Variants in PLEKHF2 observed in about 807,000 individuals in gnomAD.
The protein encoded by PLEKHF2 is pleckstrin homology domain-containing family F member 2.
Under a neutral mutation model 14.7 loss-of-function variants are expected in PLEKHF2, and 4 were observed. The ratio of observed to expected loss-of-function variants is 0.27; its 90% CI spans 0.13 to 0.62. PLEKHF2 has a LOEUF of 0.62. Ranked by LOEUF, PLEKHF2 falls within the 20% of genes least tolerant of loss-of-function variation. The pLI is 0.85. For synonymous variants in PLEKHF2, 90 were observed against 103.5 expected, an observed-to-expected ratio of 0.87 and a Z score of 0.79; for missense variants, 201 against 307.7, an observed-to-expected ratio of 0.65 and a Z score of 2.60.
rs556254765 is a variant in PLEKHF2, at chr8:95,156,100, G to A, written c.*1306G>A. 4 of 166,988 alleles carry A rather than the reference G, an allele frequency of 2.4e-5. No homozygotes were observed. Among genetic ancestry groups the A allele is most frequent in the African/African-American group, 9.7e-5 (4 of 41,418 alleles). 10.3% of individuals were successfully genotyped at this position (166,988 alleles called of 1,614,324 possible). A position where few individuals can be genotyped will look rare whatever the true frequency, so the allele number is the denominator to read the frequency against. ...TCTTTACTTTTGAGGCAGCCATTAG[G>A]TTGAAAGTATATATTTATCATATAA... On this transcript the variant is annotated 3_prime_UTR_variant, in exon 2 of 2. Transcript: ENST00000315367.
intron 1 of PLEKHF2, among the ~76,000 whole-genome samples, chr8:95,145,072 T>A (rs1183185747): frequency 6.6e-6 from 1 of 152,142 alleles, no homozygotes; most frequent in Non-Finnish European, 1.5e-5. Flanking sequence ...TTCCTTTTTT[T>A]CTTTCTTGGC....
chr8:95,141,705 G>GTTT (rs111907566), intron 1 of PLEKHF2, among the ~76,000 whole-genome samples: 1 of 131,658 alleles, frequency 7.6e-6, no homozygotes. Flanking sequence ...TTTGTGTTTT[G>GTTT]TTTTTTTTTT....
chr8:95,150,400 T>C (rs923917937), intron 1 of PLEKHF2, among the ~76,000 whole-genome samples: 2 of 151,716 alleles, frequency 1.3e-5, no homozygotes, highest in Non-Finnish European at 2.9e-5. Context: ...TCAAGTGGGC[T>C]GCCAGAATCA....
At chr8:95,152,968 A>G (rs1293965997) in intron 1 of PLEKHF2, among the ~76,000 whole-genome samples, 2 of 152,198 alleles carry the variant, frequency 1.3e-5, no homozygotes, top group Non-Finnish European at 2.9e-5. Context: ...CTGGGACTTG[A>G]GTGAAGTCAA....
chr8:95,138,480 C>T (rs1456935046), intron 1 of PLEKHF2, among the ~76,000 whole-genome samples: 1 of 151,266 alleles, frequency 6.6e-6, no homozygotes, highest in African/African-American at 2.4e-5. Context: ...ATTACTTGTA[C>T]ATATAACTGT....
chr8:95,154,854 A>G lies in PLEKHF2; in HGVS notation c.*60A>G, dbSNP rs1200610425. The G allele has an allele frequency of 1.9e-6, 3 of 1,568,074 alleles. No homozygotes were observed. Among genetic ancestry groups the G allele is most frequent in the Admixed American group, 1.8e-5 (1 of 56,856 alleles). On this transcript the variant is annotated 3_prime_UTR_variant, in exon 2 of 2. Transcript: ENST00000315367. This position sits in a 1 kb window ranked among gnomAD's most constrained non-coding sequence, Gnocchi z 5.6. The stretch of plus-strand genomic sequence containing the variant: ...ATCTGAGAAATCAACTTTGGGGGAA[A>G]TGTAAGATTCTGAGCTCTCTCTCTG...
At chr8:95,144,888 A>AG (rs1168752586) in intron 1 of PLEKHF2, among the ~76,000 whole-genome samples, 1 of 149,632 alleles carries the variant, frequency 6.7e-6, no homozygotes, top group African/African-American at 2.4e-5. Context: ...AAAAAAACCC[A>AG]GAAAAAAAAA....
Position 95,147,420 on chromosome 8 carries a change from A to G in PLEKHF2, c.-14-6611A>G, listed in dbSNP as rs571515956. ...TTTCTGAGTAGTTATTATTATGTTG[A>G]TTTCATATTTTATAACTCATTTCAT... On this transcript the variant is annotated intron_variant, in intron 1 of 1. Coordinates refer to ENST00000315367, the MANE Select transcript of PLEKHF2 (RefSeq NM_024613.4). Among the ~76,000 whole-genome samples the G allele has an allele frequency of 1.6e-4, 24 of 151,970 alleles. No homozygotes were observed. The South Asian group carries it at 4.8e-3, about 30-fold the overall frequency.
chr8:95,134,132 A>G (rs1265674248), intron 1 of PLEKHF2, 102 bp downstream of exon 1: 1 of 146,310 alleles, frequency 6.8e-6, no homozygotes, highest in East Asian at 2.2e-4. Flanking sequence ...GAGCCGTCGC[A>G]GCGCCGGGAG....
intron 1 of PLEKHF2, among the ~76,000 whole-genome samples, chr8:95,139,971 A>C (rs1810422949): frequency 6.6e-6 from 1 of 151,898 alleles, no homozygotes; most frequent in Non-Finnish European, 1.5e-5. Context: ...CTGCTTTCTA[A>C]ACTAGGGGTT....
chr8:95,134,939 C>T (rs1810359906), intron 1 of PLEKHF2, among the ~76,000 whole-genome samples: 1 of 152,188 alleles, frequency 6.6e-6, no homozygotes, highest in South Asian at 2.1e-4. Flanking sequence ...GTGATCTTGA[C>T]AGTTTGAAGT....
At chr8:95,139,042 T>C (rs552560175) in intron 1 of PLEKHF2, among the ~76,000 whole-genome samples, 4 of 152,244 alleles carry the variant, frequency 2.6e-5, no homozygotes, top group Admixed American at 2.6e-4. Context: ...TTACCACATC[T>C]TAGGTGAGTA....
intron 1 of PLEKHF2, among the ~76,000 whole-genome samples, chr8:95,153,103 G>C (rs888908981): frequency 2.6e-5 from 4 of 152,064 alleles, no homozygotes; most frequent in Admixed American, 6.6e-5. Flanking sequence ...ACTATCAGAT[G>C]ATCTCTGCTT....
At position 95,145,716 on chromosome 8, in the gene PLEKHF2, G is replaced by A. The variant is rs545477052; in HGVS notation, c.-14-8315G>A. Among the ~76,000 whole-genome samples the A allele has an allele frequency of 6.6e-5, 10 of 152,230 alleles. No individual in the cohort carries two copies. In the South Asian group the frequency reaches 8.3e-4, roughly 13 times the overall value. On this transcript the variant is annotated intron_variant, in intron 1 of 1. Transcript: ENST00000315367. ...TGGGATTACAGGCGTGAGCCACTGC[G>A]CCTGGCCAAGTATTTCTTTTTTGCT... is the stretch of plus-strand genomic sequence containing the variant.
At chr8:95,142,342 C>A in intron 1 of PLEKHF2, among the ~76,000 whole-genome samples, 1 of 152,026 alleles carries the variant, frequency 6.6e-6, no homozygotes. Context: ...GCAGCGTTGG[C>A]CCCCCAGGCT....
At chr8:95,148,622 G>A (rs1810526440) in intron 1 of PLEKHF2, among the ~76,000 whole-genome samples, 1 of 151,996 alleles carries the variant, frequency 6.6e-6, no homozygotes, top group Admixed American at 6.6e-5. Flanking sequence ...GCTACCACTC[G>A]TTGACTGCTT....
At chr8:95,146,783 C>G (rs1437671224) in intron 1 of PLEKHF2, among the ~76,000 whole-genome samples, 1 of 151,606 alleles carries the variant, frequency 6.6e-6, no homozygotes, top group Non-Finnish European at 1.5e-5. Context: ...ATTAACACTG[C>G]CAGGCACTGC....
intron 1 of PLEKHF2, among the ~76,000 whole-genome samples, chr8:95,148,154 G>T (rs1012445391): frequency 6.6e-6 from 1 of 151,666 alleles, no homozygotes; most frequent in Non-Finnish European, 1.5e-5. Context: ...GAGAAAGATG[G>T]AATTAAAAAA....
intron 1 of PLEKHF2, among the ~76,000 whole-genome samples, chr8:95,136,514 A>G (rs1341613963): frequency 6.6e-6 from 1 of 152,210 alleles, no homozygotes; most frequent in African/African-American, 2.4e-5. Flanking sequence ...GAGAGAAGCC[A>G]TGGATCATCA....
Sources: allele counts gnomAD v4.1 joint callset (sites outside exome capture counted in the v4.1 genomes callset), GRCh38; gene constraint gnomAD v4.1.1; non-coding constraint Gnocchi (gnomAD v3.1); transcripts MANE v1.5; gene names NCBI Gene and HGNC (gene_info 2026-07-23, HGNC 2026-07-21).